Variants in IL1RAPL1 observed in about 807,000 individuals in gnomAD.
The protein encoded by IL1RAPL1 is interleukin 1 receptor accessory protein like 1, also known as interleukin-1 receptor accessory protein-like 1.
Under a neutral mutation model 48.4 loss-of-function variants are expected in IL1RAPL1, and 3 were observed. The observed-to-expected ratio is 0.06, with a 90% CI of 0.03 to 0.16. The LOEUF (loss-of-function observed/expected upper bound fraction) is 0.16. IL1RAPL1 is among the 10% of genes least tolerant of loss of function. The probability of loss-of-function intolerance (pLI) is 1.00; values close to 1 mark genes in which losing one functional copy is unlikely to be tolerated. For synonymous variants in IL1RAPL1, 185 were observed against 187.7 expected (o/e 0.99, Z 0.12); for missense variants, 349 against 530.6 (o/e 0.66, Z 3.36).
chrX:28,700,740 T>G (rs1935286170), intron 1 of IL1RAPL1, among the ~76,000 whole-genome samples: 1 of 110,526 alleles, frequency 9.0e-6, no homozygotes, highest in East Asian at 2.9e-4. Context: ...TGTGTGATGT[T>G]CCCCTCCCTG....
At chrX:29,793,241 A>C (rs1026571271) in intron 6 of IL1RAPL1, among the ~76,000 whole-genome samples, 1 of 112,347 alleles carries the variant, frequency 8.9e-6, no homozygotes, top group Non-Finnish European at 1.9e-5. Flanking sequence ...ATTTATTCAA[A>C]GGCACTAACT....
At chrX:29,152,384 T>A (rs1163813035) in intron 2 of IL1RAPL1, among the ~76,000 whole-genome samples, 1 of 112,027 alleles carries the variant, frequency 8.9e-6, no homozygotes, top group Non-Finnish European at 1.9e-5. Flanking sequence ...GTATGCCTTG[T>A]GACTTTCATC....
intron 6 of IL1RAPL1, among the ~76,000 whole-genome samples, chrX:29,776,732 G>A (rs931860949): frequency 9.0e-6 from 1 of 111,433 alleles, no homozygotes; most frequent in Non-Finnish European, 1.9e-5. Flanking sequence ...AGCTGTGGGT[G>A]CCCTCACAAT....
Position 29,310,133 on chromosome X carries a change from AGGAAAAAAAAAAAAAC to A in IL1RAPL1, c.362+26917_362+26932del, listed in dbSNP as rs1569282316. ...AAAAAAAAAAAAAAAAAAAAAAGAAAGGAAAAAAAAAAAAACAAAAAAAGGGTAAGTCGGGAGCTTA... is the reference window on the plus strand; with the variant it reads ...AAAAAAAAAAAAAAAAAAAAAAGAAAAAAAAAAGGGTAAGTCGGGAGCTTA... On this transcript the variant is annotated intron_variant, in intron 3 of 10. Transcript: ENST00000378993. 4.4e-3 allele frequency among the ~76,000 whole-genome samples: 296 copies of A among 67,245 alleles called. 21 individuals carry two copies. The highest frequency in any genetic ancestry group is 0.018 in the African/African-American group (273 of 14,839). 58.4% of individuals were successfully genotyped at this position (67,245 alleles called of 115,157 possible).
At chrX:29,183,335 C>G (rs946829016) in intron 2 of IL1RAPL1, among the ~76,000 whole-genome samples, 4 of 111,805 alleles carry the variant, frequency 3.6e-5, no homozygotes, top group Non-Finnish European at 1.9e-5. Flanking sequence ...TAGAATTTTC[C>G]CATTCTTCAA....
chrX:29,467,609 A>G (rs1934877635), intron 5 of IL1RAPL1, among the ~76,000 whole-genome samples: 1 of 111,997 alleles, frequency 8.9e-6, no homozygotes, highest in African/African-American at 3.2e-5. Context: ...GCAGAGTACC[A>G]CGTAGTACCT....
chrX:28,957,028 A>G (rs1266619134), intron 2 of IL1RAPL1, among the ~76,000 whole-genome samples: 6 of 110,703 alleles, frequency 5.4e-5, no homozygotes, highest in African/African-American at 2.0e-4. Context: ...CATTTCTTCT[A>G]GATTTTCTAG....
intron 1 of IL1RAPL1, among the ~76,000 whole-genome samples, chrX:28,726,491 CTG>C (rs1205259852): frequency 8.9e-6 from 1 of 112,101 alleles, no homozygotes; most frequent in African/African-American, 3.2e-5. Flanking sequence ...TTTGTAGTGA[CTG>C]TTGTGTGGGG....
intron 6 of IL1RAPL1, among the ~76,000 whole-genome samples, chrX:29,737,830 G>A (rs976292185): frequency 6.3e-5 from 7 of 111,998 alleles, no homozygotes; most frequent in African/African-American, 2.3e-4. Context: ...CTTAAATTCA[G>A]CTATTCTTTT....
chrX:28,754,587 C>T (rs1478870128), intron 1 of IL1RAPL1, among the ~76,000 whole-genome samples: 2 of 112,156 alleles, frequency 1.8e-5, no homozygotes, highest in Non-Finnish European at 3.8e-5. Flanking sequence ...TCTATTAATT[C>T]TGGGGACCAT....
At chrX:28,669,647 T>TTA (rs1418687077) in intron 1 of IL1RAPL1, among the ~76,000 whole-genome samples, 2 of 103,069 alleles carry the variant, frequency 1.9e-5, no homozygotes, top group East Asian at 2.9e-4. Context: ...TATATATAAC[T>TTA]TATATATATA....
intron 3 of IL1RAPL1, among the ~76,000 whole-genome samples, chrX:29,387,635 CTA>C (rs1386931082): frequency 8.9e-6 from 1 of 112,054 alleles, no homozygotes; most frequent in African/African-American, 3.2e-5. Flanking sequence ...CTTTACAACT[CTA>C]TGTCAATTTT....
intron 1 of IL1RAPL1, among the ~76,000 whole-genome samples, chrX:28,640,882 C>G (rs1398616291): frequency 1.8e-5 from 2 of 110,559 alleles, no homozygotes; most frequent in Admixed American, 1.9e-4. Context: ...CTTATCTATG[C>G]TGCATATCAA....
At chrX:29,949,261 G>T (rs1188105752) in intron 9 of IL1RAPL1, among the ~76,000 whole-genome samples, 2 of 111,715 alleles carry the variant, frequency 1.8e-5, no homozygotes, top group Non-Finnish European at 3.8e-5. Flanking sequence ...TAACGCCACA[G>T]AGTCCAAACT....
Position 28,724,312 on chromosome X carries a change from A to C in IL1RAPL1, c.-24-65008A>C, listed in dbSNP as rs1184842398. 4.5e-5 allele frequency among the ~76,000 whole-genome samples: 5 copies of C among 111,400 alleles called. 1 individual carries two copies. In the South Asian group the frequency reaches 1.1e-3, roughly 25 times the overall value. On this transcript the variant is annotated intron_variant, in intron 1 of 10. Transcript: ENST00000378993. The stretch of plus-strand genomic sequence containing the variant: ...GTGCATATATATTTAAGATAGTTAG[A>C]TCTTCTTGTTGAATTGATCCCTTTA...
intron 1 of IL1RAPL1, among the ~76,000 whole-genome samples, chrX:28,612,252 C>A (rs963847928): frequency 8.9e-6 from 1 of 112,036 alleles, no homozygotes; most frequent in African/African-American, 3.2e-5. Context: ...CATCTACTAT[C>A]CTCACACTCC....
chrX:29,672,042 T>C (rs145785146), intron 6 of IL1RAPL1, among the ~76,000 whole-genome samples: 17,113 of 111,448 alleles, frequency 0.15, 1,474 homozygotes, highest in African/African-American at 0.32. Flanking sequence ...TATAAACGCA[T>C]TCTGCTCCTA....
At chrX:28,838,942 A>G (rs1023248657) in intron 2 of IL1RAPL1, among the ~76,000 whole-genome samples, 1 of 111,216 alleles carries the variant, frequency 9.0e-6, no homozygotes, top group African/African-American at 3.2e-5. Flanking sequence ...AAAAATTTCA[A>G]ATGATTGGAG....
intron 2 of IL1RAPL1, among the ~76,000 whole-genome samples, chrX:28,799,718 GA>G (rs982810266): frequency 8.9e-6 from 1 of 112,157 alleles, no homozygotes; most frequent in African/African-American, 3.2e-5. Flanking sequence ...CTGAGGGCCT[GA>G]AAAGCAATCA....
Sources: gnomAD v4.1 joint callset for allele counts (sites outside exome capture counted in the v4.1 genomes callset) on GRCh38, gnomAD v4.1.1 for gene constraint, MANE v1.5 for transcripts, NCBI Gene and HGNC (gene_info 2026-07-23, HGNC 2026-07-21) for gene names.